The following CCNY variants were observed in gnomAD, a reference collection of about 807,000 sequenced individuals.
CCNY encodes the protein cyclin-Y.
Under a neutral mutation model 42.8 loss-of-function variants are expected in CCNY, and 19 were observed. That is an observed-to-expected ratio of 0.44 (90% confidence interval 0.31 to 0.65). The LOEUF (loss-of-function observed/expected upper bound fraction) is 0.65. Among genes scored for constraint, CCNY ranks in the 30% least tolerant of loss-of-function variants. The pLI is 0.07. For missense variants in CCNY, 370 were observed against 437.3 expected (o/e 0.85, Z 1.37); for synonymous variants, 165 against 162.7 (o/e 1.01, Z -0.11).
chr10:35,479,522 C>T lies in CCNY; in HGVS notation c.155-3882C>T, dbSNP rs1348111952. Among the ~76,000 whole-genome samples the T allele has an allele frequency of 5.9e-5, 8 of 135,644 alleles. No individual in the cohort carries two copies. The East Asian group carries it at 6.4e-4, about 11-fold the overall frequency. The allele number at this position is 135,644 out of a possible 152,430, so 89.0% of individuals were successfully genotyped here. A position where few individuals can be genotyped will look rare whatever the true frequency, so the allele number is the denominator to read the frequency against. On this transcript the variant is annotated intron_variant, in intron 1 of 9. Coordinates refer to ENST00000374704, the MANE Select transcript of CCNY (RefSeq NM_145012.6). Reference sequence around the variant, plus strand: ...ATCGCAAGAACAAAAAACCAAACACCGCATATTCTCACTCATAGGTGGGAA... The same window carrying T: ...ATCGCAAGAACAAAAAACCAAACACTGCATATTCTCACTCATAGGTGGGAA...
At chr10:35,256,358 G>A (rs4275563) in intron 3 of CCNY, among the ~76,000 whole-genome samples, 54,682 of 151,846 alleles carry the variant, frequency 0.36, 10,280 homozygotes, top group African/African-American at 0.47. Flanking sequence ...GTGTATATCT[G>A]CAACTATTTT....
chr10:35,543,660 A>G (rs940605762), intron 7 of CCNY, among the ~76,000 whole-genome samples: 1 of 152,126 alleles, frequency 6.6e-6, no homozygotes, highest in African/African-American at 2.4e-5. Context: ...TTACTATACT[A>G]TACTTTTTAT....
intron 1 of CCNY, among the ~76,000 whole-genome samples, chr10:35,470,189 A>C (rs1820217366): frequency 6.6e-6 from 1 of 150,458 alleles, no homozygotes; most frequent in Admixed American, 6.6e-5. Flanking sequence ...AGAGGGAAAC[A>C]GAGATAGGGC....
chr10:35,421,352 C>T (rs1276131634), intron 1 of CCNY, among the ~76,000 whole-genome samples: 1 of 152,144 alleles, frequency 6.6e-6, no homozygotes, highest in Admixed American at 6.5e-5. Flanking sequence ...CTTGGCACCA[C>T]TCTCTCTCTA....
intron 1 of CCNY, among the ~76,000 whole-genome samples, chr10:35,373,327 G>A (rs1836979209): frequency 6.6e-6 from 1 of 152,186 alleles, no homozygotes; most frequent in African/African-American, 2.4e-5. Context: ...CATTGTAGGT[G>A]CTTAGTAGAC....
intron 1 of CCNY, among the ~76,000 whole-genome samples, chr10:35,472,950 A>G (rs1356366124): frequency 1.3e-5 from 2 of 152,190 alleles, no homozygotes; most frequent in Admixed American, 1.3e-4. Context: ...TGGAGACTCA[A>G]TGCATGTTGG....
chr10:35,273,233 G>A (rs564004671), intron 3 of CCNY, among the ~76,000 whole-genome samples: 1 of 150,078 alleles, frequency 6.7e-6, no homozygotes, highest in South Asian at 2.1e-4. Context: ...ATGGAGTTTC[G>A]CTCTGTCACC....
intron 7 of CCNY, among the ~76,000 whole-genome samples, chr10:35,549,091 A>ACCC (rs1451329156): frequency 3.1e-5 from 3 of 95,660 alleles, no homozygotes; most frequent in African/African-American, 1.4e-4. Context: ...CGTGCCCCTC[A>ACCC]CCACCCACCC....
intron 1 of CCNY, among the ~76,000 whole-genome samples, chr10:35,450,230 G>A (rs1233144446): frequency 6.6e-6 from 1 of 152,082 alleles, no homozygotes; most frequent in Non-Finnish European, 1.5e-5. Flanking sequence ...CAGGGAGTGA[G>A]TTGGGAAGGT....
chr10:35,505,702 C>T (rs926961408), intron 3 of CCNY, among the ~76,000 whole-genome samples: 4 of 152,062 alleles, frequency 2.6e-5, no homozygotes, highest in African/African-American at 9.7e-5. Flanking sequence ...ACACCATATA[C>T]GTATGTTGTA....
intron 3 of CCNY, among the ~76,000 whole-genome samples, chr10:35,265,205 CA>C (rs1426357308): frequency 6.6e-6 from 1 of 152,148 alleles, no homozygotes; most frequent in Non-Finnish European, 1.5e-5. Flanking sequence ...AAAATCTTCA[CA>C]ATCAAACGAC....
At chr10:35,279,565 T>C (rs1023923192) in intron 3 of CCNY, among the ~76,000 whole-genome samples, 12 of 152,158 alleles carry the variant, frequency 7.9e-5, no homozygotes, top group African/African-American at 2.9e-4. Flanking sequence ...CAAGTCCAAG[T>C]AGAGAAAAGC....
At chr10:35,278,605 CAGA>C (rs1835265211) in intron 3 of CCNY, among the ~76,000 whole-genome samples, 2 of 152,170 alleles carry the variant, frequency 1.3e-5, no homozygotes, top group Non-Finnish European at 2.9e-5. Flanking sequence ...CAGGACTGAG[CAGA>C]AGGAGAAACT....
chr10:35,398,492 GT>G (rs1267629277), intron 1 of CCNY, among the ~76,000 whole-genome samples: 1 of 152,146 alleles, frequency 6.6e-6, no homozygotes, highest in Non-Finnish European at 1.5e-5. Context: ...GGTCATTTAT[GT>G]GTCTGGCTGG....
chr10:35,449,838 G>A (rs1475231231), intron 1 of CCNY: 1 of 981,044 alleles, frequency 1.0e-6, no homozygotes, highest in Non-Finnish European at 1.2e-6. Flanking sequence ...AGGGAGTGTT[G>A]GAGGTTGGGG....
chr10:35,480,798 A>G (rs767816483), intron 1 of CCNY, among the ~76,000 whole-genome samples: 3 of 152,004 alleles, frequency 2.0e-5, no homozygotes, highest in Non-Finnish European at 4.4e-5. Context: ...AAGACTCTGT[A>G]GCTACAAAAA....
At position 35,530,275 on chromosome 10, in the gene CCNY, C is replaced by T; in HGVS notation, c.579+32C>T. 1 of 1,613,532 alleles carries T rather than the reference C, an allele frequency of 6.2e-7. No individual in the cohort carries two copies. The highest frequency in any genetic ancestry group is 8.5e-7 in the Non-Finnish European group (1 of 1,179,846). ...GCCCTCAGGATGGCCACACCCATCC[C>T]CAGCCGAGGTGGTCCAGGGCCCGTT... On this transcript the variant is annotated intron_variant, in intron 7 of 9. Coordinates refer to ENST00000374704, the MANE Select transcript of CCNY (RefSeq NM_145012.6). This position sits in a 1 kb window ranked among gnomAD's most constrained non-coding sequence, Gnocchi z 4.3.
Position 35,388,694 on chromosome 10 carries a change from A to G in CCNY, c.154+51487A>G, listed in dbSNP as rs143916628. Among the ~76,000 whole-genome samples, 8 of 152,334 alleles carry G rather than the reference A, an allele frequency of 5.3e-5. No homozygotes were observed. The East Asian group carries it at 1.5e-3, about 29-fold the overall frequency. On this transcript the variant is annotated intron_variant, in intron 1 of 9. Coordinates refer to ENST00000374704, the MANE Select transcript of CCNY (RefSeq NM_145012.6). ...TCTGCTGCTGCCACAACAAATTGCT[A>G]TGCACTTTCTGGCTTAAAACAATAC...
intron 8 of CCNY, among the ~76,000 whole-genome samples, chr10:35,560,488 G>C (rs1182606383): frequency 6.6e-6 from 1 of 152,166 alleles, no homozygotes; most frequent in Admixed American, 6.5e-5. Flanking sequence ...GAGCATGTGA[G>C]ACTCAGACAG....
Sources: gnomAD v4.1 joint callset for allele counts (sites outside exome capture counted in the v4.1 genomes callset) on GRCh38, gnomAD v4.1.1 for gene constraint, Gnocchi (gnomAD v3.1) non-coding constraint, MANE v1.5 for transcripts, NCBI Gene and HGNC (gene_info 2026-07-23, HGNC 2026-07-21) for gene names.